The following MIGA2 variants were observed in gnomAD, a reference collection of about 807,000 sequenced individuals.
MIGA2 encodes the protein mitoguardin 2, also known as family with sequence similarity 73, member B.
MIGA2 carries 36 observed loss-of-function variants against 69.9 expected under a neutral mutation model. That is an observed-to-expected ratio of 0.52 (90% CI 0.39 to 0.68). The LOEUF (loss-of-function observed/expected upper bound fraction) is 0.68. Among genes scored for constraint, MIGA2 ranks in the 30% least tolerant of loss-of-function variants. The pLI is 0.00. For synonymous variants in MIGA2, 333 were observed against 349.2 expected, an observed-to-expected ratio of 0.95 and a Z score of 0.52; for missense variants, 660 against 787.7, an observed-to-expected ratio of 0.84 and a Z score of 1.94.
intron 11 of MIGA2, 50 bp from the exon 12 acceptor site, chr9:129,067,723 C>A: frequency 6.5e-7 from 1 of 1,529,902 alleles, no homozygotes; most frequent in East Asian, 2.3e-5. Flanking sequence ...GCCAGCCTGT[C>A]CCTGTGGGTC....
intron 11 of MIGA2, chr9:129,067,479 ACT>A (rs1846422467): frequency 2.6e-6 from 1 of 387,372 alleles, no homozygotes; most frequent in Non-Finnish European, 4.7e-6. Context: ...CAGCTGCCTG[ACT>A]CTAACCCTCA....
intron 10 of MIGA2, 94 bp downstream of exon 10, chr9:129,063,410 G>C: frequency 6.4e-7 from 1 of 1,558,778 alleles, no homozygotes; most frequent in Non-Finnish European, 8.7e-7. Flanking sequence ...CCTGGTCCCT[G>C]GCCAGGCCTG....
chr9:129,050,089 G>T, intron 6 of MIGA2, 126 bp downstream of exon 6: 1 of 1,273,732 alleles, frequency 7.9e-7, no homozygotes, highest in Non-Finnish European at 1.1e-6. Flanking sequence ...CTCTATGAGG[G>T]TGTCTTGATG....
At chr9:129,055,632 G>A (rs373559998) in intron 6 of MIGA2, among the ~76,000 whole-genome samples, 26 of 151,966 alleles carry the variant, frequency 1.7e-4, no homozygotes, top group African/African-American at 6.3e-4. Flanking sequence ...GGGCGATCAC[G>A]AGGTCAGGAG....
chr9:129,067,350 C>T (rs894922328), intron 11 of MIGA2, among the ~76,000 whole-genome samples: 14 of 152,220 alleles, frequency 9.2e-5, no homozygotes, highest in African/African-American at 3.4e-4. Flanking sequence ...AATGCTTTGG[C>T]GCTGGACTGA....
chr9:129,045,613 A>G (rs1445960337), intron 3 of MIGA2, among the ~76,000 whole-genome samples: 1 of 151,766 alleles, frequency 6.6e-6, no homozygotes, highest in Non-Finnish European at 1.5e-5. Flanking sequence ...TTTTTTTAAA[A>G]AGAGAAAGAA....
chr9:129,061,123 C>G lies in MIGA2; in HGVS notation c.895-108C>G, dbSNP rs1846044512. 1.1e-6 allele frequency: 1 copy of G among 883,722 alleles called. No individual in the cohort carries two copies. The highest frequency in any genetic ancestry group is 1.8e-6 in the Non-Finnish European group (1 of 548,990). 54.7% of individuals were successfully genotyped at this position (883,722 alleles called of 1,614,324 possible). On this transcript the variant is annotated intron_variant, in intron 8 of 15. Transcript: ENST00000684074. This position sits in a 1 kb window ranked among gnomAD's most constrained non-coding sequence, Gnocchi z 5.0. ...TCCCCTCAGAGACGTTGGCAGTGGG[C>G]AGGCACCTGGGGTGGCCGCTGTGGC...
Position 129,068,186 on chromosome 9 carries a change from C to T in MIGA2, c.1270-12C>T, listed in dbSNP as rs774617019. On this transcript the variant is annotated splice_polypyrimidine_tract_variant and intron_variant, in intron 12 of 15. Transcript: ENST00000684074. This position sits in a 1 kb window ranked among gnomAD's most constrained non-coding sequence, Gnocchi z 4.1. ...CCCCCATGCATGAGCCTCCCGGGGG[C>T]ACCCTCTGTAGGTGGTATGCATGAG... The T allele has an allele frequency of 1.2e-4, 186 of 1,613,602 alleles. No individual in the cohort carries two copies. The highest frequency in any genetic ancestry group is 1.6e-4 in the Middle Eastern group (1 of 6,084).
At position 129,061,297 on chromosome 9, in the gene MIGA2, G is replaced by A; in HGVS notation, c.961G>A (p.Glu321Lys). 6.2e-7 allele frequency: 1 copy of A among 1,612,860 alleles called. No individual in the cohort carries two copies. The highest frequency in any genetic ancestry group is 8.5e-7 in the Non-Finnish European group (1 of 1,179,792). Residue 321 changes from glutamate to lysine, a missense_variant, in exon 9 of 16, where the codon GAG becomes AAG. Physicochemically the swap from Glu to Lys is moderately conservative, Grantham distance 56 (BLOSUM62 1). Around this residue, in one of 3 missense-constraint regions of MIGA2, gnomAD observed 386 missense variants for 402.0 expected, o/e 0.96. Coordinates refer to ENST00000684074, the MANE Select transcript of MIGA2 (RefSeq NM_001329990.2). The surrounding 1 kb of genome is among the most constrained non-coding windows in gnomAD (Gnocchi z 5.0). ...CTCCAGACCCGCCGCTGCCTATGAG[G>A]AGGCCCTGCAGCTGGTGAAGGAGGG... is the stretch of plus-strand genomic sequence containing the variant. ...PLSRPAAAYE[E>K]ALQLVKEGRV... is the part of the protein sequence containing the mutation.
Position 129,069,676 on chromosome 9 carries a change from C to A in MIGA2, c.1459-173C>A. On this transcript the variant is annotated intron_variant, in intron 14 of 15. Transcript: ENST00000684074. The surrounding 1 kb of genome is among the most constrained non-coding windows in gnomAD (Gnocchi z 4.9). ...TCACAGCGGCCCATGGTTACCCTGT[C>A]TGCAGAAGTTAAAATGGGCTTCGAA... 1 of 650,920 alleles carries A rather than the reference C, an allele frequency of 1.5e-6. No individual in the cohort carries two copies. Among genetic ancestry groups the A allele is most frequent in the South Asian group, 1.7e-5 (1 of 60,292 alleles). 40.3% of individuals were successfully genotyped at this position (650,920 alleles called of 1,614,324 possible).
At position 129,068,416 on chromosome 9, in the gene MIGA2, A is replaced by C; in HGVS notation, c.1404+84A>C. On this transcript the variant is annotated intron_variant, in intron 13 of 15. Transcript: ENST00000684074. This position sits in a 1 kb window ranked among gnomAD's most constrained non-coding sequence, Gnocchi z 4.1. Reference sequence around the variant, plus strand: ...TGGCTCCGTCCCCTCTGTCCCTAGCACTGGCACCAGGGCTGGGCCCCCACC... The same window carrying C: ...TGGCTCCGTCCCCTCTGTCCCTAGCCCTGGCACCAGGGCTGGGCCCCCACC... The C allele has an allele frequency of 6.5e-7, 1 of 1,544,932 alleles. No homozygotes were observed. Among genetic ancestry groups the C allele is most frequent in the Non-Finnish European group, 8.8e-7 (1 of 1,142,332 alleles).
At chr9:129,053,281 A>T (rs904961696) in intron 6 of MIGA2, among the ~76,000 whole-genome samples, 3 of 152,012 alleles carry the variant, frequency 2.0e-5, no homozygotes. Context: ...ACAACCTTAC[A>T]ATCCTACAAG....
chr9:129,039,283 T>C (rs1441119851), intron 1 of MIGA2, among the ~76,000 whole-genome samples: 1 of 151,798 alleles, frequency 6.6e-6, no homozygotes, highest in East Asian at 1.9e-4. Flanking sequence ...TCTCACTCTA[T>C]TGCCCAGGCT....
chr9:129,068,791 C>A lies in MIGA2; in HGVS notation c.1405-285C>A. 2.0e-6 allele frequency: 1 copy of A among 495,938 alleles called. No homozygotes were observed. The highest frequency in any genetic ancestry group is 3.7e-6 in the Non-Finnish European group (1 of 273,074). 30.7% of individuals were successfully genotyped at this position (495,938 alleles called of 1,614,324 possible). A position where few individuals can be genotyped will look rare whatever the true frequency, so the allele number is the denominator to read the frequency against. On this transcript the variant is annotated intron_variant, in intron 13 of 15. Coordinates refer to ENST00000684074, the MANE Select transcript of MIGA2 (RefSeq NM_001329990.2). The surrounding 1 kb of genome is among the most constrained non-coding windows in gnomAD (Gnocchi z 4.1). ...GTTTACAGGCGGGAACCATTGCTCCCACAACCACCAAAGGAGGTGGGAGTG... is the reference window on the plus strand; with the variant it reads ...GTTTACAGGCGGGAACCATTGCTCCAACAACCACCAAAGGAGGTGGGAGTG...
intron 6 of MIGA2, among the ~76,000 whole-genome samples, chr9:129,053,366 A>ATT (rs112922743): frequency 2.7e-5 from 4 of 145,722 alleles, no homozygotes; most frequent in African/African-American, 5.0e-5. Flanking sequence ...TATTGCTATA[A>ATT]TTTTTTTTTT....
rs569270916 is a variant in MIGA2, at chr9:129,051,338, C to T, written c.675+1375C>T. ...CTGTTGCCAGGCTGGAGTGCAGTGG[C>T]GCGATCTCGGCTCAGTGCAACCTCC... On this transcript the variant is annotated intron_variant, in intron 6 of 15. Transcript: ENST00000684074. 6.2e-4 allele frequency: 105 copies of T among 170,170 alleles called. 2 individuals carry two copies. In the South Asian group the frequency reaches 0.013, roughly 22 times the overall value. 10.5% of individuals were successfully genotyped at this position (170,170 alleles called of 1,614,324 possible).
At chr9:129,065,256 C>T (rs1198004657) in intron 11 of MIGA2, among the ~76,000 whole-genome samples, 2 of 151,986 alleles carry the variant, frequency 1.3e-5, no homozygotes, top group Non-Finnish European at 2.9e-5. Flanking sequence ...GCCATGATTG[C>T]ACCACTGCTC....
chr9:129,051,169 C>T (rs956742926), intron 6 of MIGA2: 2 of 158,678 alleles, frequency 1.3e-5, no homozygotes, highest in Admixed American at 6.5e-5. Flanking sequence ...GGATTACAGG[C>T]GTGAGCTACC....
Position 129,049,925 on chromosome 9 carries a change from C to T in MIGA2, c.637C>T (p.Leu213Phe). The T allele has an allele frequency of 1.2e-6, 2 of 1,613,704 alleles. No homozygotes were observed. The highest frequency in any genetic ancestry group is 2.2e-5 in the South Asian group (2 of 91,078). ...SGSTPMPRDGLRNPETASEPL... is the reference protein window; with the variant it reads ...SGSTPMPRDGFRNPETASEPL... Reference sequence around the variant, plus strand: ...CAGCACCCCCATGCCCAGGGACGGCCTCCGGAACCCAGAGACTGCATCAGA... The same window carrying T: ...CAGCACCCCCATGCCCAGGGACGGCTTCCGGAACCCAGAGACTGCATCAGA... Residue 213 changes from leucine (L) to phenylalanine (F), a missense_variant, in exon 6 of 16, where the codon CTC (leucine) becomes TTC (phenylalanine). Leu to Phe is a conservative substitution (Grantham distance 22, BLOSUM62 0). Around this residue, in one of 3 missense-constraint regions of MIGA2, gnomAD observed 386 missense variants for 402.0 expected, o/e 0.96. Coordinates refer to ENST00000684074, the MANE Select transcript of MIGA2 (RefSeq NM_001329990.2).
Sources: allele counts gnomAD v4.1 joint callset (sites outside exome capture counted in the v4.1 genomes callset), GRCh38; gene constraint gnomAD v4.1.1; regional missense constraint gnomAD v4.1.1; non-coding constraint Gnocchi (gnomAD v3.1); transcripts MANE v1.5; gene names NCBI Gene and HGNC (gene_info 2026-07-23, HGNC 2026-07-21).